The following ATAT1 variants were observed in gnomAD, a reference collection of about 807,000 sequenced individuals.
ATAT1 encodes alpha tubulin acetyltransferase 1, also known as alpha-tubulin N-acetyltransferase 1.
A neutral mutation model predicts 57.2 loss-of-function variants in ATAT1; 42 were observed. The ratio of observed to expected loss-of-function variants is 0.73; its 90% CI spans 0.57 to 0.95. The LOEUF (loss-of-function observed/expected upper bound fraction) is 0.95. Ranked by LOEUF, ATAT1 falls within the 40% of genes least tolerant of loss-of-function variation. The pLI, the probability that ATAT1 is intolerant of heterozygous loss-of-function variation, is 0.00. For missense variants in ATAT1, 454 were observed against 523.7 expected (o/e 0.87, Z 1.30); for synonymous variants, 168 against 187.1 (o/e 0.90, Z 0.83).
intron 6 of ATAT1, among the ~76,000 whole-genome samples, chr6:30,636,360 G>A (rs1246185231): frequency 2.0e-5 from 3 of 152,214 alleles, no homozygotes; most frequent in East Asian, 1.9e-4. Context: ...CAAGGTAGGC[G>A]GATCACAAGG....
chr6:30,641,808 G>A, intron 8 of ATAT1: 2 of 1,056,728 alleles, frequency 1.9e-6, no homozygotes, highest in Non-Finnish European at 2.3e-6. Flanking sequence ...GGTCCTCGTT[G>A]GCCCGGCTGG....
chr6:30,634,264 T>C (rs1362004783), intron 6 of ATAT1, among the ~76,000 whole-genome samples: 4 of 152,150 alleles, frequency 2.6e-5, no homozygotes, highest in African/African-American at 2.4e-5. Context: ...CATTTTTTTT[T>C]TCTTTGAGAC....
At chr6:30,631,576 C>T (rs1762882891) in intron 6 of ATAT1, among the ~76,000 whole-genome samples, 1 of 150,588 alleles carries the variant, frequency 6.6e-6, no homozygotes, top group Non-Finnish European at 1.5e-5. Flanking sequence ...CCCAGGAGTT[C>T]GAGACTAGCC....
chr6:30,627,578 G>A (rs1411657364), intron 2 of ATAT1, 58 bp downstream of exon 2: 20 of 1,606,808 alleles, frequency 1.2e-5, no homozygotes, highest in Admixed American at 1.2e-4. Flanking sequence ...TGGTATATAA[G>A]GGAGGCCTGG....
rs141914315 is a variant in ATAT1 at position 30,642,971 on chromosome 6, G to A, written c.892G>A (p.Ala298Thr). ...CCCTACCGCCCGCCTTCTGTTGGCT[G>A]CTGACCCTGGGGGCAGCCCAGCTCA... Residue 298 changes from alanine to threonine, a missense_variant, in exon 10 of 13, where the codon GCT becomes ACT. Physicochemically the swap from Ala to Thr is moderately conservative, Grantham distance 58. This residue lies in a region of ATAT1 where 216 missense variants were observed against 222.2 expected (regional missense o/e 0.97). Transcript: ENST00000330083. The A allele has an allele frequency of 3.7e-6, 6 of 1,613,918 alleles. No individual in the cohort carries two copies. In the African/African-American group the frequency reaches 5.3e-5, roughly 14 times the overall value.
Position 30,627,066 on chromosome 6 carries a change from C to G in ATAT1, c.-138C>G. 1 of 1,549,100 alleles carries G rather than the reference C, an allele frequency of 6.5e-7. No homozygotes were observed. The highest frequency in any genetic ancestry group is 2.0e-5 in the Admixed American group (1 of 51,018). The stretch of plus-strand genomic sequence containing the variant: ...AAACCTGGTCCAGGCACCACGCCCC[C>G]TTCTCACTGACTAGTGATCGCCCCT... On this transcript the variant is annotated 5_prime_UTR_variant, in exon 1 of 13. Transcript: ENST00000330083.
Position 30,645,219 on chromosome 6 carries a change from C to CTT in ATAT1, c.933-662_933-661dup, listed in dbSNP as rs11312231. On this transcript the variant is annotated intron_variant, in intron 10 of 12. Transcript: ENST00000330083. ...CCTATTTCCCTCTGGTCTAAGGAATCTTTTTTTTTTTTTTTGAGATGGAGT... is the reference window on the plus strand; with the variant it reads ...CCTATTTCCCTCTGGTCTAAGGAATCTTTTTTTTTTTTTTTTTGAGATGGAGT... Among the ~76,000 whole-genome samples the CTT allele has an allele frequency of 1.6e-4, 23 of 143,044 alleles. 2 individuals are homozygous for CTT. Among genetic ancestry groups the CTT allele is most frequent in the East Asian group, 1.2e-3 (6 of 5,008 alleles). 93.8% of individuals were successfully genotyped at this position (143,044 alleles called of 152,430 possible). A position where few individuals can be genotyped will look rare whatever the true frequency, so the allele number is the denominator to read the frequency against.
intron 6 of ATAT1, among the ~76,000 whole-genome samples, chr6:30,634,715 G>A (rs1474182134): frequency 6.2e-5 from 9 of 144,598 alleles, no homozygotes; most frequent in Admixed American, 2.8e-4. Context: ...AAGCCTGGGC[G>A]CGGTGGCTCG....
intron 6 of ATAT1, among the ~76,000 whole-genome samples, chr6:30,629,534 C>T (rs1052501213): frequency 2.6e-5 from 4 of 151,782 alleles, no homozygotes; most frequent in Non-Finnish European, 4.4e-5. Context: ...TGTGAGCCAC[C>T]GCACACAACC....
Position 30,627,226 on chromosome 6 carries a change from G to A in ATAT1, c.23G>A (p.Cys8Tyr), listed in dbSNP as rs765648150. 6.2e-7 allele frequency: 1 copy of A among 1,613,932 alleles called. No individual in the cohort carries two copies. The highest frequency in any genetic ancestry group is 1.1e-5 in the South Asian group (1 of 91,076). The change falls in exon 1 of 13, where the codon TGC becomes TAC. Residue 8 changes from cysteine (C) to tyrosine (Y), a missense_variant. This residue lies in a region of ATAT1 where 236 missense variants were observed against 284.5 expected (regional missense o/e 0.83). Coordinates refer to ENST00000330083, the MANE Select transcript of ATAT1 (RefSeq NM_001031722.4). ...AGGATGTGGTTGACCTGGCCTTTCT[G>A]CTTCCTCACAATAACCTTAAGGGAG...
chr6:30,627,189 T>C lies in ATAT1; in HGVS notation c.-15T>C. 1 of 1,613,962 alleles carries C rather than the reference T, an allele frequency of 6.2e-7. No individual in the cohort carries two copies. Among genetic ancestry groups the C allele is most frequent in the Non-Finnish European group, 8.5e-7 (1 of 1,179,876 alleles). On this transcript the variant is annotated 5_prime_UTR_variant, in exon 1 of 13. Transcript: ENST00000330083. ...GTGACCTTTCACCCCGGGCCCAAAA[T>C]GTCCCAATCAAAGGATGTGGTTGAC...
chr6:30,629,495 C>T (rs1762381008), intron 6 of ATAT1, among the ~76,000 whole-genome samples: 1 of 151,982 alleles, frequency 6.6e-6, no homozygotes, highest in Non-Finnish European at 1.5e-5. Context: ...GTGCCCACCT[C>T]AGCCTCCCAA....
At position 30,641,110 on chromosome 6, in the gene ATAT1, C is replaced by T. The variant is rs559652263; in HGVS notation, c.616+507C>T. On this transcript the variant is annotated intron_variant, in intron 8 of 12. Transcript: ENST00000330083. The stretch of plus-strand genomic sequence containing the variant: ...CTGTCCAGATTCCCCATCCCATATA[C>T]ACACATACACACACACACACACACA... Among the ~76,000 whole-genome samples the T allele has an allele frequency of 2.3e-3, 343 of 147,364 alleles. 3 individuals are homozygous for T. The highest frequency in any genetic ancestry group is 0.014 in the Middle Eastern group (4 of 292).
intron 10 of ATAT1, chr6:30,643,535 T>C: frequency 6.4e-7 from 1 of 1,550,444 alleles, no homozygotes; most frequent in Non-Finnish European, 8.7e-7. Context: ...ACAGCTCCCT[T>C]CCCCGCTCTG....
intron 8 of ATAT1, among the ~76,000 whole-genome samples, chr6:30,641,106 T>TAC (rs1262818896): frequency 1.8e-4 from 25 of 140,944 alleles, no homozygotes; most frequent in African/African-American, 2.9e-4. Context: ...CCCCATCCCA[T>TAC]ATACACACAT....
chr6:30,638,882 TCTAA>T (rs1266079703), intron 6 of ATAT1, among the ~76,000 whole-genome samples: 4 of 152,182 alleles, frequency 2.6e-5, no homozygotes, highest in Admixed American at 2.0e-4. Flanking sequence ...ATGAAGTAAC[TCTAA>T]AATTAATAGT....
Position 30,643,512 on chromosome 6 carries a change from A to G in ATAT1, c.932+501A>G, listed in dbSNP as rs762455395. On this transcript the variant is annotated intron_variant, in intron 10 of 12. Transcript: ENST00000330083. ...TTTCCCATCTCCCTTCCTCCCATCCATAACATCCTTCCACAGCTCCCTTCC... is the reference window on the plus strand; with the variant it reads ...TTTCCCATCTCCCTTCCTCCCATCCGTAACATCCTTCCACAGCTCCCTTCC... 13 of 1,548,312 alleles carry G rather than the reference A, an allele frequency of 8.4e-6. No homozygotes were observed. The African/African-American group carries it at 1.1e-4, about 13-fold the overall frequency.
At chr6:30,641,802 C>G (rs1423902698) in intron 8 of ATAT1, 1 of 1,048,900 alleles carries the variant, frequency 9.5e-7, no homozygotes, top group East Asian at 8.1e-5. Flanking sequence ...ACCCAGGGTC[C>G]TCGTTGGCCC....
At chr6:30,627,383 C>G in intron 1 of ATAT1, 77 bp from the exon 2 acceptor site, 2 of 1,600,602 alleles carry the variant, frequency 1.2e-6, no homozygotes, top group East Asian at 2.2e-5. Flanking sequence ...GAGTTGTGGC[C>G]CAGGTTCCCA....
Sources: allele counts gnomAD v4.1 joint callset (sites outside exome capture counted in the v4.1 genomes callset), GRCh38; gene constraint gnomAD v4.1.1; regional missense constraint gnomAD v4.1.1; transcripts MANE v1.5; gene names NCBI Gene and HGNC (gene_info 2026-07-23, HGNC 2026-07-21).